DMD: variants seen among roughly 807,000 people sequenced by gnomAD.
DMD encodes the protein dystrophin, also known as mutant dystrophin.
DMD carries 63 observed loss-of-function variants against 330.1 expected under a neutral mutation model. The ratio of observed to expected loss-of-function variants is 0.19; its 90% CI spans 0.16 to 0.24. The LOEUF (loss-of-function observed/expected upper bound fraction) is 0.24, where lower values mean the gene tolerates loss of function less well. DMD is among the 10% of genes least tolerant of loss of function. DMD has a pLI of 1.00. For synonymous variants in DMD, 1,223 were observed against 959.8 expected (o/e 1.27, Z -5.07); for missense variants, 3,344 against 2,684.1 (o/e 1.25, Z -5.43).
chrX:32,673,713 A>G (rs2061779966), intron 9 of DMD, among the ~76,000 whole-genome samples: 1 of 112,124 alleles, frequency 8.9e-6, no homozygotes, highest in Non-Finnish European at 1.9e-5. Flanking sequence ...TATGTAATCT[A>G]TACTTCAAAG....
intron 62 of DMD, among the ~76,000 whole-genome samples, chrX:31,268,684 A>G (rs2147774711): frequency 8.9e-6 from 1 of 112,129 alleles, no homozygotes; most frequent in Non-Finnish European, 1.9e-5. Context: ...AGAGACACCA[A>G]TCTCTGTGTC....
chrX:32,608,652 T>C (rs960999964), intron 12 of DMD, among the ~76,000 whole-genome samples: 2 of 110,551 alleles, frequency 1.8e-5, no homozygotes, highest in African/African-American at 6.5e-5. Context: ...AAGTTAGCCA[T>C]GATGGAGACG....
intron 44 of DMD, among the ~76,000 whole-genome samples, chrX:32,007,559 G>A (rs945024030): frequency 9.0e-6 from 1 of 111,026 alleles, no homozygotes; most frequent in Admixed American, 9.6e-5. Context: ...AAGTGCATAC[G>A]AAATTTGGTT....
intron 17 of DMD, among the ~76,000 whole-genome samples, chrX:32,542,799 A>C (rs774360687): frequency 8.9e-6 from 1 of 112,202 alleles, no homozygotes; most frequent in African/African-American, 3.2e-5. Context: ...ATCTTCGTTC[A>C]GTCTAAATTT....
chrX:32,402,470 T>G (rs2098091500), intron 30 of DMD, among the ~76,000 whole-genome samples: 1 of 111,128 alleles, frequency 9.0e-6, no homozygotes, highest in Admixed American at 9.6e-5. Context: ...TAAACCTGTG[T>G]GTCCATTTTC....
intron 45 of DMD, among the ~76,000 whole-genome samples, chrX:31,933,438 C>T (rs1381322347): frequency 8.9e-6 from 1 of 112,067 alleles, no homozygotes; most frequent in Non-Finnish European, 1.9e-5. Flanking sequence ...GCTAATTAGC[C>T]ATAAATTTAT....
At position 32,581,599 on chromosome X, in the gene DMD, G is replaced by C. The variant is rs181964708; in HGVS notation, c.1603-7753C>G. 2.1e-4 allele frequency among the ~76,000 whole-genome samples: 24 copies of C among 111,796 alleles called. No individual in the cohort carries two copies. In the Admixed American group the frequency reaches 2.3e-3, roughly 11 times the overall value. On this transcript the variant is annotated intron_variant, in intron 13 of 78. Transcript: ENST00000357033. ...AGCTGACTCCAAAACGGAAAATCTGGAAAAATGTAATGTTGAAATTCCAAT... is the reference window on the plus strand; with the variant it reads ...AGCTGACTCCAAAACGGAAAATCTGCAAAAATGTAATGTTGAAATTCCAAT...
At chrX:32,844,208 T>A (rs1007874947) in intron 4 of DMD, among the ~76,000 whole-genome samples, 78 of 110,491 alleles carry the variant, frequency 7.1e-4, no homozygotes, top group African/African-American at 2.0e-3. Flanking sequence ...AGTTCGAGAC[T>A]AGCCTTGGCC....
intron 1 of DMD, among the ~76,000 whole-genome samples, chrX:33,078,065 C>T (rs938077078): frequency 6.3e-5 from 7 of 111,495 alleles, no homozygotes; most frequent in South Asian, 3.8e-4. Flanking sequence ...TTTTGAAAGC[C>T]GAGCCCAGCC....
chrX:32,602,403 C>T (rs371404926), intron 12 of DMD, among the ~76,000 whole-genome samples: 1 of 111,616 alleles, frequency 9.0e-6, no homozygotes, highest in African/African-American at 3.2e-5. Context: ...AATGCCTTTA[C>T]TGAAAATAAT....
At chrX:32,848,708 T>G (rs1196236787) in intron 3 of DMD, among the ~76,000 whole-genome samples, 4 of 110,765 alleles carry the variant, frequency 3.6e-5, no homozygotes, top group African/African-American at 1.3e-4. Context: ...GGGCCTTCTG[T>G]GGAATTTGGG....
chrX:32,658,563 A>G lies in DMD; in HGVS notation c.961-13411T>C, dbSNP rs1039630704. On this transcript the variant is annotated intron_variant, in intron 9 of 78. Coordinates refer to ENST00000357033, the MANE Select transcript of DMD (RefSeq NM_004006.3). ...TTTCACCCTCAGGCCATAGATTGCT[A>G]TCTCCTGATGATGAAATTGCTTCCC... Among the ~76,000 whole-genome samples the G allele has an allele frequency of 9.9e-5, 11 of 111,215 alleles. No homozygotes were observed. The East Asian group carries it at 2.0e-3, about 20-fold the overall frequency.
At chrX:31,497,818 T>C (rs1469199875) in intron 56 of DMD, among the ~76,000 whole-genome samples, 2 of 112,446 alleles carry the variant, frequency 1.8e-5, no homozygotes, top group Non-Finnish European at 3.8e-5. Context: ...TATCTTCAGG[T>C]AAATTAGAAA....
intron 63 of DMD, among the ~76,000 whole-genome samples, chrX:31,247,315 C>G (rs974719269): frequency 2.7e-5 from 3 of 111,369 alleles, no homozygotes; most frequent in African/African-American, 9.8e-5. Flanking sequence ...TGGAAAATCT[C>G]TGGAAGTCAG....
intron 7 of DMD, among the ~76,000 whole-genome samples, chrX:32,774,956 G>A (rs959670328): frequency 1.8e-5 from 2 of 112,283 alleles, no homozygotes; most frequent in Non-Finnish European, 3.8e-5. Context: ...CCAAAAGCAA[G>A]CTAGTTACTT....
intron 60 of DMD, among the ~76,000 whole-genome samples, chrX:31,386,706 C>A (rs183006282): frequency 6.2e-5 from 7 of 112,186 alleles, no homozygotes; most frequent in African/African-American, 1.6e-4. Flanking sequence ...TGAATGAACA[C>A]ATGAAGTAAA....
At chrX:31,474,045 T>C (rs755839695) in intron 59 of DMD, among the ~76,000 whole-genome samples, 117 of 112,118 alleles carry the variant, frequency 1.0e-3, no homozygotes, top group African/African-American at 3.6e-3. Flanking sequence ...AAAACTTAAA[T>C]TTGATTCTAC....
chrX:32,911,796 T>A (rs1228299202), intron 2 of DMD, among the ~76,000 whole-genome samples: 1 of 111,598 alleles, frequency 9.0e-6, no homozygotes, highest in Non-Finnish European at 1.9e-5. Flanking sequence ...TTTGGCATAA[T>A]CTTGGAAACT....
intron 57 of DMD, among the ~76,000 whole-genome samples, chrX:31,494,787 C>G (rs1426738305): frequency 8.9e-6 from 1 of 111,955 alleles, no homozygotes; most frequent in Non-Finnish European, 1.9e-5. Flanking sequence ...AGTTGAAGAA[C>G]AAAATAGCAA....
Sources: allele counts gnomAD v4.1 joint callset (sites outside exome capture counted in the v4.1 genomes callset), GRCh38; gene constraint gnomAD v4.1.1; transcripts MANE v1.5; gene names NCBI Gene and HGNC (gene_info 2026-07-23, HGNC 2026-07-21).